TBC1D22A: variants seen among roughly 807,000 people sequenced by gnomAD.
TBC1D22A encodes putative GTPase activator.
A neutral mutation model predicts 60.2 loss-of-function variants in TBC1D22A; 38 were observed. The ratio of observed to expected loss-of-function variants is 0.63; its 90% CI spans 0.49 to 0.83. The LOEUF is 0.83. Among genes scored for constraint, TBC1D22A ranks in the 40% least tolerant of loss-of-function variants. TBC1D22A has a pLI of 0.00. For missense variants in TBC1D22A, 628 were observed against 701.0 expected, an observed-to-expected ratio of 0.90 and a Z score of 1.18; for synonymous variants, 302 against 281.7, an observed-to-expected ratio of 1.07 and a Z score of -0.72.
chr22:47,010,257 C>T (rs11912601), intron 10 of TBC1D22A, among the ~76,000 whole-genome samples: 4,994 of 152,232 alleles, frequency 0.033, 236 homozygotes, highest in African/African-American at 0.1. Flanking sequence ...ATTTTTATTA[C>T]CCCTACAAAG....
At chr22:46,904,145 ACC>A (rs1569199818) in intron 7 of TBC1D22A, among the ~76,000 whole-genome samples, 18,189 of 74,176 alleles carry the variant, frequency 0.25, 1,432 homozygotes, top group East Asian at 0.47. Flanking sequence ...CTATCTATCT[ACC>A]TACCTACCTA....
intron 8 of TBC1D22A, among the ~76,000 whole-genome samples, chr22:46,968,455 C>T (rs1246566976): frequency 6.6e-6 from 1 of 152,228 alleles, no homozygotes; most frequent in Non-Finnish European, 1.5e-5. Context: ...GCTGTGGAAA[C>T]ACACTAGTGC....
intron 11 of TBC1D22A, among the ~76,000 whole-genome samples, chr22:47,086,370 G>A (rs1295047427): frequency 5.3e-5 from 8 of 152,138 alleles, no homozygotes; most frequent in African/African-American, 1.4e-4. Context: ...CAGGAGAATC[G>A]CTTGAACCTG....
intron 1 of TBC1D22A, among the ~76,000 whole-genome samples, chr22:46,785,309 A>G (rs558697639): frequency 6.6e-6 from 1 of 152,322 alleles, no homozygotes; most frequent in East Asian, 1.9e-4. Context: ...ATGTGTACAT[A>G]TGGGAGATCC....
chr22:46,918,752 T>C (rs2070546857), intron 8 of TBC1D22A, among the ~76,000 whole-genome samples: 1 of 152,150 alleles, frequency 6.6e-6, no homozygotes, highest in African/African-American at 2.4e-5. Context: ...CCCTCAGAAA[T>C]GGGGGCCTGA....
At chr22:46,801,823 C>T (rs1265433553) in intron 4 of TBC1D22A, among the ~76,000 whole-genome samples, 3 of 152,240 alleles carry the variant, frequency 2.0e-5, no homozygotes, top group Non-Finnish European at 4.4e-5. Flanking sequence ...ACCATCCAGT[C>T]TAGGCTTTAT....
At chr22:46,987,568 T>G (rs1427892531) in intron 9 of TBC1D22A, among the ~76,000 whole-genome samples, 1 of 152,228 alleles carries the variant, frequency 6.6e-6, no homozygotes, top group African/African-American at 2.4e-5. Context: ...TCAATGCATA[T>G]AAAAGTTATA....
At chr22:46,807,949 AGAGCAACACC>A (rs2085219975) in intron 4 of TBC1D22A, among the ~76,000 whole-genome samples, 1 of 152,206 alleles carries the variant, frequency 6.6e-6, no homozygotes, top group African/African-American at 2.4e-5. Context: ...CCTGGGTGAC[AGAGCAACACC>A]GTGTCTCTAA....
intron 10 of TBC1D22A, among the ~76,000 whole-genome samples, chr22:47,034,075 C>G (rs191937721): frequency 2.0e-4 from 30 of 152,320 alleles, no homozygotes; most frequent in Admixed American, 4.6e-4. Context: ...CCGCGCTGCC[C>G]TTTACTTATT....
At chr22:46,979,665 A>T (rs1051859952) in intron 9 of TBC1D22A, among the ~76,000 whole-genome samples, 3 of 152,184 alleles carry the variant, frequency 2.0e-5, no homozygotes, top group Non-Finnish European at 2.9e-5. Flanking sequence ...TTGCTTTCAC[A>T]CCATGAGCGT....
chr22:46,792,417 C>T (rs2084453149), intron 1 of TBC1D22A, 103 bp from the exon 2 acceptor site: 3 of 1,511,488 alleles, frequency 2.0e-6, no homozygotes, highest in East Asian at 4.5e-5. Flanking sequence ...CTGCTTCCTT[C>T]AGTCCTGTGG....
At chr22:46,983,207 A>C (rs986123135) in intron 9 of TBC1D22A, among the ~76,000 whole-genome samples, 1 of 152,186 alleles carries the variant, frequency 6.6e-6, no homozygotes, top group African/African-American at 2.4e-5. Context: ...TCCACAGTGC[A>C]GGAGGGTGCC....
intron 10 of TBC1D22A, among the ~76,000 whole-genome samples, chr22:47,018,542 C>G (rs1481658084): frequency 6.6e-6 from 1 of 152,176 alleles, no homozygotes; most frequent in Non-Finnish European, 1.5e-5. Context: ...ACTCTCTCCC[C>G]TGCTTGGGCT....
intron 10 of TBC1D22A, among the ~76,000 whole-genome samples, chr22:47,029,938 T>C (rs1027465578): frequency 6.6e-6 from 1 of 152,196 alleles, no homozygotes; most frequent in Non-Finnish European, 1.5e-5. Context: ...CTGCCCACCA[T>C]TGGCAGTGAG....
At chr22:47,127,906 A>G (rs530700120) in intron 12 of TBC1D22A, among the ~76,000 whole-genome samples, 226 of 147,590 alleles carry the variant, frequency 1.5e-3, no homozygotes, top group Admixed American at 3.4e-3. Context: ...GAGCCCCCTG[A>G]GGTGAGGGTT....
chr22:47,128,802 C>T (rs1268350091), intron 12 of TBC1D22A, among the ~76,000 whole-genome samples: 2 of 152,200 alleles, frequency 1.3e-5, no homozygotes, highest in African/African-American at 4.8e-5. Flanking sequence ...GACGGTGTAA[C>T]TGGCTGTGTA....
At chr22:46,878,795 G>A in intron 5 of TBC1D22A, 72 bp downstream of exon 5, 3 of 1,437,542 alleles carry the variant, frequency 2.1e-6, no homozygotes, top group East Asian at 2.3e-5. Context: ...GGCCTGAGTA[G>A]GGCCTGACAG....
intron 11 of TBC1D22A, among the ~76,000 whole-genome samples, chr22:47,051,120 G>A (rs902499802): frequency 7.0e-6 from 1 of 143,190 alleles, no homozygotes; most frequent in Non-Finnish European, 1.5e-5. Context: ...CATTGCAGGG[G>A]GACCTCTCCT....
At chr22:46,944,409 T>TG (rs1176374932) in intron 8 of TBC1D22A, among the ~76,000 whole-genome samples, 1 of 152,088 alleles carries the variant, frequency 6.6e-6, no homozygotes, top group Non-Finnish European at 1.5e-5. Context: ...TGCATTCCTC[T>TG]TTTTTTTGAG....
Sources: gnomAD v4.1 joint callset for allele counts (sites outside exome capture counted in the v4.1 genomes callset) on GRCh38, gnomAD v4.1.1 for gene constraint, MANE v1.5 for transcripts, NCBI Gene and HGNC (gene_info 2026-07-23, HGNC 2026-07-21) for gene names.